Variants in ATP8A1 observed in about 807,000 individuals in gnomAD.
The protein encoded by ATP8A1 is phospholipid-transporting ATPase IA.
Under a neutral mutation model 177.7 loss-of-function variants are expected in ATP8A1, and 90 were observed. That is an observed-to-expected ratio of 0.51 (90% CI 0.43 to 0.60). The LOEUF is 0.60. Among genes scored for constraint, ATP8A1 ranks in the 20% least tolerant of loss-of-function variants. The pLI is 0.00. For missense variants in ATP8A1, 1,072 were observed against 1,392.8 expected (o/e 0.77, Z 3.67); for synonymous variants, 493 against 485.9 (o/e 1.01, Z -0.19).
At chr4:42,651,946 T>C (rs1445044833) in intron 1 of ATP8A1, among the ~76,000 whole-genome samples, 1 of 152,228 alleles carries the variant, frequency 6.6e-6, no homozygotes, top group Non-Finnish European at 1.5e-5. Context: ...AAACACCCAT[T>C]TGATTTATCT....
chr4:42,454,277 A>AC (rs1718239443), intron 29 of ATP8A1, among the ~76,000 whole-genome samples: 1 of 152,198 alleles, frequency 6.6e-6, no homozygotes, highest in Non-Finnish European at 1.5e-5. Flanking sequence ...GGTTAGAGGC[A>AC]CCAAAACACC....
chr4:42,439,427 C>A (rs1244596051), intron 33 of ATP8A1, among the ~76,000 whole-genome samples: 1 of 152,212 alleles, frequency 6.6e-6, no homozygotes, highest in East Asian at 1.9e-4. Flanking sequence ...GAGCTGAAAG[C>A]TGCTTCTCTA....
chr4:42,462,852 T>C (rs1277765804), intron 27 of ATP8A1, among the ~76,000 whole-genome samples: 1 of 152,216 alleles, frequency 6.6e-6, no homozygotes, highest in Admixed American at 6.5e-5. Context: ...ACCTCTTGCA[T>C]GCTTGACCTG....
At chr4:42,413,080 G>A in intron 36 of ATP8A1, 67 bp from the exon 37 acceptor site, 1 of 1,350,300 alleles carries the variant, frequency 7.4e-7, no homozygotes, top group South Asian at 1.2e-5. Context: ...TCTGACTTTT[G>A]GGTATTCATT....
intron 33 of ATP8A1, among the ~76,000 whole-genome samples, chr4:42,431,723 T>C (rs895304261): frequency 3.9e-5 from 6 of 152,156 alleles, no homozygotes; most frequent in African/African-American, 1.4e-4. Context: ...GTAGCATAAC[T>C]CTTCAGAGAT....
intron 1 of ATP8A1, among the ~76,000 whole-genome samples, chr4:42,628,026 G>C (rs548000072): frequency 6.6e-6 from 1 of 152,266 alleles, no homozygotes; most frequent in African/African-American, 2.4e-5. Context: ...AGAAGGTTTT[G>C]TTGCTGCCTG....
At chr4:42,424,952 C>G (rs1288426181) in intron 33 of ATP8A1, among the ~76,000 whole-genome samples, 1 of 152,174 alleles carries the variant, frequency 6.6e-6, no homozygotes, top group Non-Finnish European at 1.5e-5. Context: ...GAAAAATACT[C>G]ACATAAAAGT....
intron 22 of ATP8A1, among the ~76,000 whole-genome samples, chr4:42,512,477 C>A (rs1285458304): frequency 6.6e-6 from 1 of 152,188 alleles, no homozygotes; most frequent in Non-Finnish European, 1.5e-5. Flanking sequence ...ATACTCCAAG[C>A]AGGTGCTTCT....
At chr4:42,642,821 T>C (rs951339896) in intron 1 of ATP8A1, among the ~76,000 whole-genome samples, 12 of 152,182 alleles carry the variant, frequency 7.9e-5, no homozygotes, top group Non-Finnish European at 1.5e-5. Context: ...CCGTGACCAC[T>C]GCCATGCAAG....
At chr4:42,634,995 G>A (rs1046293143) in intron 1 of ATP8A1, among the ~76,000 whole-genome samples, 30 of 152,104 alleles carry the variant, frequency 2.0e-4, no homozygotes, top group Admixed American at 5.9e-4. Context: ...GATTAATCTC[G>A]CCTTCAAAAT....
At chr4:42,509,320 C>A (rs1724754712) in intron 22 of ATP8A1, among the ~76,000 whole-genome samples, 1 of 152,202 alleles carries the variant, frequency 6.6e-6, no homozygotes, top group African/African-American at 2.4e-5. Context: ...CATGGCTAAC[C>A]CCAACTATTT....
intron 33 of ATP8A1, among the ~76,000 whole-genome samples, chr4:42,434,666 G>A (rs1715710748): frequency 6.6e-6 from 1 of 152,128 alleles, no homozygotes; most frequent in Admixed American, 6.5e-5. Context: ...CTCTCTTGTT[G>A]CAGCTACTTT....
At chr4:42,477,143 C>G (rs1366437596) in intron 25 of ATP8A1, among the ~76,000 whole-genome samples, 1 of 152,158 alleles carries the variant, frequency 6.6e-6, no homozygotes, top group East Asian at 1.9e-4. Flanking sequence ...ATTAAGGTTA[C>G]TGGCACACAG....
intron 1 of ATP8A1, among the ~76,000 whole-genome samples, chr4:42,645,290 C>T (rs1166365536): frequency 6.6e-6 from 1 of 152,148 alleles, no homozygotes; most frequent in Non-Finnish European, 1.5e-5. Flanking sequence ...GGATGATACA[C>T]AATTTACCAA....
chr4:42,427,458 G>C (rs1441822263), intron 33 of ATP8A1, among the ~76,000 whole-genome samples: 1 of 152,234 alleles, frequency 6.6e-6, no homozygotes, highest in Non-Finnish European at 1.5e-5. Context: ...AATTAGATCA[G>C]ATTTTAAAAA....
chr4:42,535,669 T>C (rs1237360272), intron 20 of ATP8A1, among the ~76,000 whole-genome samples: 4 of 152,212 alleles, frequency 2.6e-5, no homozygotes, highest in African/African-American at 4.8e-5. Context: ...TACATTCTAT[T>C]CATCAGCACA....
intron 25 of ATP8A1, among the ~76,000 whole-genome samples, chr4:42,484,605 A>T (rs924967448): frequency 6.6e-5 from 10 of 152,338 alleles, no homozygotes; most frequent in Non-Finnish European, 1.5e-4. Context: ...AAAAAGCATA[A>T]CTTTATTAGT....
At position 42,581,748 on chromosome 4, in the gene ATP8A1, T is replaced by C. The variant is rs753396740; in HGVS notation, c.723-16A>G. Reference sequence around the variant, plus strand: ...TGGAACGGTGCTAGGACAGATTACGTTGACATTAGAAACAGTATTTTCTAA... The same window carrying C: ...TGGAACGGTGCTAGGACAGATTACGCTGACATTAGAAACAGTATTTTCTAA... On this transcript the variant is annotated splice_polypyrimidine_tract_variant and intron_variant, in intron 9 of 36. Coordinates refer to ENST00000381668, the MANE Select transcript of ATP8A1 (RefSeq NM_006095.2). 78 of 1,578,836 alleles carry C rather than the reference T, an allele frequency of 4.9e-5. No individual in the cohort carries two copies. Among genetic ancestry groups the C allele is most frequent in the Non-Finnish European group, 6.4e-5 (74 of 1,149,622 alleles).
At chr4:42,578,182 T>C in intron 12 of ATP8A1, 78 bp downstream of exon 12, 1 of 1,361,708 alleles carries the variant, frequency 7.3e-7, no homozygotes, top group Non-Finnish European at 9.8e-7. Context: ...AATTAAAACC[T>C]TTTTTCTCCT....
Sources: allele counts gnomAD v4.1 joint callset (sites outside exome capture counted in the v4.1 genomes callset), GRCh38; gene constraint gnomAD v4.1.1; transcripts MANE v1.5; gene names NCBI Gene and HGNC (gene_info 2026-07-23, HGNC 2026-07-21).